Variants in NRG3 observed in about 807,000 individuals in gnomAD.
NRG3 encodes pro-neuregulin-3, membrane-bound isoform.
In NRG3, 31 loss-of-function variants were observed where a neutral mutation model predicts 66.9. The ratio of observed to expected loss-of-function variants is 0.46; its 90% confidence interval spans 0.35 to 0.63. NRG3 has a LOEUF of 0.63. NRG3 is among the 20% of genes least tolerant of loss of function. NRG3 has a pLI of 0.00. For missense variants in NRG3, 910 were observed against 878.9 expected (o/e 1.04, Z -0.45); for synonymous variants, 393 against 359.4 (o/e 1.09, Z -1.06).
At chr10:82,531,265 T>C (rs1223410404) in intron 2 of NRG3, among the ~76,000 whole-genome samples, 1 of 151,778 alleles carries the variant, frequency 6.6e-6, no homozygotes, top group Non-Finnish European at 1.5e-5. Flanking sequence ...ATGCCATCTT[T>C]TCAAGATTCC....
chr10:81,961,736 T>G (rs1017808403), intron 1 of NRG3, among the ~76,000 whole-genome samples: 2 of 152,274 alleles, frequency 1.3e-5, no homozygotes, highest in African/African-American at 4.8e-5. Context: ...AAATTTGATA[T>G]AATTCAGCAC....
intron 2 of NRG3, among the ~76,000 whole-genome samples, chr10:82,417,804 C>A (rs1049354097): frequency 3.9e-5 from 6 of 152,158 alleles, no homozygotes; most frequent in Non-Finnish European, 7.3e-5. Flanking sequence ...AGCTAGAGAG[C>A]GGGCTCCCAG....
intron 3 of NRG3, among the ~76,000 whole-genome samples, chr10:82,750,899 CAA>C (rs778813228): frequency 1.3e-5 from 2 of 152,012 alleles, no homozygotes; most frequent in Non-Finnish European, 2.9e-5. Flanking sequence ...AGTGTCATGA[CAA>C]GAGGTATAAT....
At chr10:81,890,200 C>T (rs1361962584) in intron 1 of NRG3, among the ~76,000 whole-genome samples, 2 of 152,150 alleles carry the variant, frequency 1.3e-5, no homozygotes, top group Non-Finnish European at 2.9e-5. Context: ...CAGGGACTGG[C>T]ACCTGAAACA....
At chr10:82,507,129 A>G (rs1565003589) in intron 2 of NRG3, among the ~76,000 whole-genome samples, 3 of 152,232 alleles carry the variant, frequency 2.0e-5, no homozygotes, top group South Asian at 4.1e-4. Context: ...AAAACCTTGT[A>G]TAATGATTTC....
At chr10:82,651,115 G>C (rs2133889435) in intron 2 of NRG3, among the ~76,000 whole-genome samples, 1 of 152,306 alleles carries the variant, frequency 6.6e-6, no homozygotes, top group Non-Finnish European at 1.5e-5. Context: ...AAGAAAATTA[G>C]GCCAACTATT....
At chr10:82,964,603 C>T (rs1042886191) in intron 6 of NRG3, among the ~76,000 whole-genome samples, 10 of 152,298 alleles carry the variant, frequency 6.6e-5, no homozygotes, top group African/African-American at 2.4e-4. Context: ...TTAGAAATCC[C>T]AGTGAAATCA....
chr10:82,588,478 C>A (rs2046798642), intron 2 of NRG3, among the ~76,000 whole-genome samples: 1 of 152,012 alleles, frequency 6.6e-6, no homozygotes, highest in African/African-American at 2.4e-5. Flanking sequence ...GTTGTACAGC[C>A]TGCAGAACTG....
chr10:82,709,724 C>T (rs2056544055), intron 2 of NRG3, among the ~76,000 whole-genome samples: 1 of 152,110 alleles, frequency 6.6e-6, no homozygotes, highest in Non-Finnish European at 1.5e-5. Flanking sequence ...TAGTTGCAAG[C>T]AGAAAGCCTT....
At chr10:82,315,693 TCTCACTCTGTCGCCGAGG>T in intron 1 of NRG3, among the ~76,000 whole-genome samples, 1 of 143,862 alleles carries the variant, frequency 7.0e-6, no homozygotes, top group South Asian at 2.2e-4. Flanking sequence ...TGAGACGGAG[TCTCACTCTGTCGCCGAGG>T]CTGGAGTGCA....
intron 1 of NRG3, among the ~76,000 whole-genome samples, chr10:82,079,596 C>T (rs1036930236): frequency 5.9e-5 from 9 of 152,094 alleles, no homozygotes; most frequent in Admixed American, 1.3e-4. Context: ...GTTTCATTGC[C>T]GTAAAAATTC....
chr10:82,892,516 A>AT (rs1420390464), intron 4 of NRG3, among the ~76,000 whole-genome samples: 10 of 152,014 alleles, frequency 6.6e-5, no homozygotes, highest in Non-Finnish European at 1.5e-4. Context: ...AATTTTAAAA[A>AT]TTAGCCATGA....
chr10:82,406,261 G>A (rs534749691), intron 2 of NRG3, among the ~76,000 whole-genome samples: 13 of 152,248 alleles, frequency 8.5e-5, no homozygotes, highest in Middle Eastern at 3.4e-3. Context: ...TCCATTGTTC[G>A]TGGGACATAA....
chr10:81,934,544 T>C (rs1387235960), intron 1 of NRG3, among the ~76,000 whole-genome samples: 2 of 152,200 alleles, frequency 1.3e-5, no homozygotes, highest in East Asian at 3.9e-4. Flanking sequence ...CTTTTGAGGA[T>C]GGCAAATCTA....
At chr10:82,684,602 C>A (rs1298142251) in intron 2 of NRG3, among the ~76,000 whole-genome samples, 1 of 151,716 alleles carries the variant, frequency 6.6e-6, no homozygotes, top group Non-Finnish European at 1.5e-5. Context: ...TGAAAATTAA[C>A]CCCCATTATG....
intron 2 of NRG3, among the ~76,000 whole-genome samples, chr10:82,584,114 T>C (rs531889961): frequency 6.6e-6 from 1 of 152,326 alleles, no homozygotes; most frequent in South Asian, 2.1e-4. Flanking sequence ...TGAGATGGTG[T>C]CTTGCTCTGT....
chr10:82,464,196 C>G (rs1840455024), intron 2 of NRG3, among the ~76,000 whole-genome samples: 1 of 152,144 alleles, frequency 6.6e-6, no homozygotes, highest in Non-Finnish European at 1.5e-5. Flanking sequence ...CATGTAGATT[C>G]ATGTGGCCTC....
At chr10:82,070,976 T>G (rs2064775006) in intron 1 of NRG3, among the ~76,000 whole-genome samples, 1 of 152,192 alleles carries the variant, frequency 6.6e-6, no homozygotes, top group African/African-American at 2.4e-5. Context: ...ATGCAGTTAT[T>G]TGTGCTACAT....
At chr10:82,036,487 C>G (rs1054096439) in intron 1 of NRG3, among the ~76,000 whole-genome samples, 3 of 152,108 alleles carry the variant, frequency 2.0e-5, no homozygotes, top group African/African-American at 4.8e-5. Flanking sequence ...AGGGGTTGCA[C>G]TGGCATTTAA....
Sources: allele counts gnomAD v4.1 joint callset (sites outside exome capture counted in the v4.1 genomes callset), GRCh38; gene constraint gnomAD v4.1.1; transcripts MANE v1.5; gene names NCBI Gene and HGNC (gene_info 2026-07-23, HGNC 2026-07-21).